The following EZH2 variants were observed in gnomAD, a reference collection of about 807,000 sequenced individuals.
The protein encoded by EZH2 is enhancer of zeste 2 polycomb repressive complex 2 subunit.
In EZH2, 18 loss-of-function variants were observed where a neutral mutation model predicts 98.4. That is an observed-to-expected ratio of 0.18 (90% CI 0.13 to 0.27). The LOEUF is 0.27. Among genes scored for constraint, EZH2 ranks in the 10% least tolerant of loss-of-function variants. The pLI is 1.00. For missense variants in EZH2, 470 were observed against 935.1 expected (o/e 0.50, Z 6.49); for synonymous variants, 338 against 312.3 (o/e 1.08, Z -0.87).
At chr7:148,855,508 C>CA (rs2129487209) in intron 1 of EZH2, among the ~76,000 whole-genome samples, 1 of 152,280 alleles carries the variant, frequency 6.6e-6, no homozygotes, top group Non-Finnish European at 1.5e-5. Context: ...AAGGCTAATT[C>CA]AAGAGCCTCC....
chr7:148,863,408 A>C (rs944128662), intron 1 of EZH2, among the ~76,000 whole-genome samples: 1 of 152,334 alleles, frequency 6.6e-6, no homozygotes, highest in African/African-American at 2.4e-5. Context: ...AATCTGTCAT[A>C]TGTCAGTGCC....
At chr7:148,877,298 C>T (rs923471387) in intron 1 of EZH2, among the ~76,000 whole-genome samples, 2 of 152,194 alleles carry the variant, frequency 1.3e-5, no homozygotes, top group Non-Finnish European at 2.9e-5. Context: ...AAAGCGAACA[C>T]ATTTAATCAA....
At chr7:148,853,065 G>C (rs1412037004) in intron 1 of EZH2, among the ~76,000 whole-genome samples, 1 of 152,176 alleles carries the variant, frequency 6.6e-6, no homozygotes, top group Non-Finnish European at 1.5e-5. Context: ...AAAGAGGGGA[G>C]AGGGTACATG....
chr7:148,811,598 C>G (rs746432444), intron 16 of EZH2, 27 bp downstream of exon 16: 3 of 1,570,650 alleles, frequency 1.9e-6, no homozygotes, highest in Non-Finnish European at 2.6e-6. Flanking sequence ...TACAATGCCA[C>G]CTGAATACAG....
rs192767078 is a variant in EZH2 at position 148,816,672 on chromosome 7, T to C, written c.1505+12A>G. 1.9e-4 allele frequency: 301 copies of C among 1,606,834 alleles called. 1 individual carries two copies. The African/African-American group carries it at 3.6e-3, about 19-fold the overall frequency. ...ATGTTGACTTCTCTAAGGAGCTTCATGACAGACTCACCGGTGTTTCCTCTT... is the reference window on the plus strand; with the variant it reads ...ATGTTGACTTCTCTAAGGAGCTTCACGACAGACTCACCGGTGTTTCCTCTT... On this transcript the variant is annotated intron_variant, in intron 12 of 19. Coordinates refer to ENST00000320356, the MANE Select transcript of EZH2 (RefSeq NM_004456.5).
At chr7:148,848,426 A>G (rs1814779356) in intron 1 of EZH2, among the ~76,000 whole-genome samples, 1 of 152,210 alleles carries the variant, frequency 6.6e-6, no homozygotes, top group South Asian at 2.1e-4. Flanking sequence ...GTGAAGAAGA[A>G]GGTGACTTTC....
chr7:148,870,843 C>T (rs904054731), intron 1 of EZH2, among the ~76,000 whole-genome samples: 48 of 151,784 alleles, frequency 3.2e-4, no homozygotes, highest in African/African-American at 1.1e-3. Flanking sequence ...GCAGGAGAAT[C>T]ACTTGAACCC....
intron 1 of EZH2, among the ~76,000 whole-genome samples, chr7:148,853,779 G>A (rs1273199222): frequency 1.3e-5 from 2 of 152,210 alleles, no homozygotes; most frequent in African/African-American, 4.8e-5. Context: ...ACAGTTGGCT[G>A]AATCTACAAA....
chr7:148,809,254 G>C, intron 18 of EZH2, 56 bp downstream of exon 18: 1 of 1,584,564 alleles, frequency 6.3e-7, no homozygotes, highest in Non-Finnish European at 8.7e-7. Context: ...AAGTATTCAA[G>C]TCCATCATCA....
At position 148,824,741 on chromosome 7, in the gene EZH2, C is replaced by T. The variant is rs182159932; in HGVS notation, c.907+1713G>A. Among the ~76,000 whole-genome samples, 356 of 152,230 alleles carry T rather than the reference C, an allele frequency of 2.3e-3. 1 individual carries two copies. The highest frequency in any genetic ancestry group is 4.3e-3 in the Non-Finnish European group (291 of 68,002). On this transcript the variant is annotated intron_variant, in intron 8 of 19. Transcript: ENST00000320356. Reference sequence around the variant, plus strand: ...ATGTGTGGTATTTTGTCGAAGTTAACGTAAAACAATGAAGTTCCTACAGAA... The same window carrying T: ...ATGTGTGGTATTTTGTCGAAGTTAATGTAAAACAATGAAGTTCCTACAGAA...
At chr7:148,809,283 T>C in intron 18 of EZH2, 27 bp downstream of exon 18, 4 of 1,596,118 alleles carry the variant, frequency 2.5e-6, no homozygotes, top group Non-Finnish European at 3.4e-6. Context: ...AAAAGGGAGT[T>C]CCAATTCTCA....
intron 1 of EZH2, among the ~76,000 whole-genome samples, chr7:148,870,158 CT>C (rs1394153393): frequency 6.6e-6 from 1 of 152,218 alleles, no homozygotes; most frequent in African/African-American, 2.4e-5. Flanking sequence ...CAATTCAACA[CT>C]TTCTTCCTCT....
intron 6 of EZH2, 130 bp downstream of exon 6, chr7:148,828,610 A>G: frequency 8.4e-7 from 1 of 1,188,186 alleles, no homozygotes; most frequent in Non-Finnish European, 1.2e-6. Flanking sequence ...TTTTGATTAT[A>G]CTGCTATCAA....
At chr7:148,870,048 T>A (rs375762376) in intron 1 of EZH2, among the ~76,000 whole-genome samples, 1 of 152,082 alleles carries the variant, frequency 6.6e-6, no homozygotes, top group Non-Finnish European at 1.5e-5. Context: ...TGAGACCCTG[T>A]CTCTATTTTT....
intron 3 of EZH2, among the ~76,000 whole-genome samples, chr7:148,833,255 G>C (rs562734907): frequency 6.6e-6 from 1 of 151,800 alleles, no homozygotes; most frequent in East Asian, 1.9e-4. Flanking sequence ...TCAGGAGATC[G>C]AGACCATCCT....
chr7:148,808,453 C>A (rs2129466766), intron 19 of EZH2, among the ~76,000 whole-genome samples: 1 of 152,334 alleles, frequency 6.6e-6, no homozygotes, highest in African/African-American at 2.4e-5. Flanking sequence ...CATCTGACTG[C>A]ACTTAAATCT....
chr7:148,878,824 A>G (rs1820531336), intron 1 of EZH2, among the ~76,000 whole-genome samples: 1 of 152,130 alleles, frequency 6.6e-6, no homozygotes, highest in African/African-American at 2.4e-5. Context: ...GCTTGAGCCC[A>G]GGAGGCAGAG....
At chr7:148,869,529 G>A (rs1478834673) in intron 1 of EZH2, among the ~76,000 whole-genome samples, 2 of 151,740 alleles carry the variant, frequency 1.3e-5, no homozygotes, top group Admixed American at 6.6e-5. Flanking sequence ...GTAGAAATGG[G>A]GCCTCACTTT....
rs1563021305 is a variant in EZH2, at chr7:148,846,477, G to A, written c.239C>T (p.Thr80Ile). ...CATGTTATGTTAACCAACCTCCCTA[G>A]TCCCGCGCAATGAGCTCACAGAAGT... The part of the protein sequence containing the change: ...ILTSVSSLRG[T>I]RECSVTSDLD... Residue 80 changes from threonine (T) to isoleucine (I), a missense_variant, in exon 3 of 20, where the codon ACT (threonine) becomes ATT (isoleucine). Around this residue, in one of 6 missense-constraint regions of EZH2, gnomAD observed 79 missense variants for 122.1 expected, o/e 0.65. Transcript: ENST00000320356. 1 of 1,613,156 alleles carries A rather than the reference G, an allele frequency of 6.2e-7. No homozygotes were observed. The highest frequency in any genetic ancestry group is 1.7e-5 in the Admixed American group (1 of 59,908).
Sources: allele counts gnomAD v4.1 joint callset (sites outside exome capture counted in the v4.1 genomes callset), GRCh38; gene constraint gnomAD v4.1.1; regional missense constraint gnomAD v4.1.1; transcripts MANE v1.5; gene names NCBI Gene and HGNC (gene_info 2026-07-23, HGNC 2026-07-21).